Variants in ALKAL1 observed in about 807,000 individuals in gnomAD.
The protein encoded by ALKAL1 is ALK and LTK ligand 1.
In ALKAL1, 23 loss-of-function variants were observed where a neutral mutation model predicts 13.5. That is an observed-to-expected ratio of 1.70 (90% confidence interval 1.23 to 2.41). The LOEUF (loss-of-function observed/expected upper bound fraction) is 2.41. Ranked by LOEUF, ALKAL1 falls within the 30% of genes most tolerant of loss-of-function variation. The pLI, the probability that ALKAL1 is intolerant of heterozygous loss-of-function variation, is 0.00. For synonymous variants in ALKAL1, 85 were observed against 77.7 expected, an observed-to-expected ratio of 1.09 and a Z score of -0.49; for missense variants, 181 against 178.4, an observed-to-expected ratio of 1.01 and a Z score of -0.08.
chr8:52,534,042 T>C lies in ALKAL1; in HGVS notation c.*571A>G, dbSNP rs908962842. The C allele has an allele frequency of 1.3e-5, 2 of 152,266 alleles. No individual in the cohort carries two copies. Among genetic ancestry groups the C allele is most frequent in the Admixed American group, 6.5e-5 (1 of 15,282 alleles). 9.4% of individuals were successfully genotyped at this position (152,266 alleles called of 1,614,324 possible). On this transcript the variant is annotated 3_prime_UTR_variant, in exon 5 of 5. Transcript: ENST00000358543. ...CACACTTCAAAAGCATAACCTCTAT[T>C]ACAAACATCTTTAATTCAAAGGAAA...
chr8:52,549,432 A>G (rs1429716805), intron 1 of ALKAL1, among the ~76,000 whole-genome samples: 1 of 149,762 alleles, frequency 6.7e-6, no homozygotes, highest in Middle Eastern at 3.3e-3. Context: ...GCTATACTAT[A>G]TTAAATATAG....
chr8:52,546,424 G>A (rs545196993), intron 1 of ALKAL1, among the ~76,000 whole-genome samples: 5 of 152,266 alleles, frequency 3.3e-5, no homozygotes, highest in East Asian at 1.9e-4. Flanking sequence ...AATAATAGAC[G>A]CTAGGAATAA....
At chr8:52,553,946 G>A (rs996578138) in intron 1 of ALKAL1, among the ~76,000 whole-genome samples, 9 of 152,276 alleles carry the variant, frequency 5.9e-5, no homozygotes, top group East Asian at 1.9e-4. Context: ...AAACAGGGCC[G>A]GGTGCAGTGG....
intron 4 of ALKAL1, among the ~76,000 whole-genome samples, chr8:52,538,078 ACT>A (rs1377364386): frequency 1.4e-5 from 2 of 147,918 alleles, no homozygotes; most frequent in Admixed American, 1.4e-4. Flanking sequence ...ACAGAGCGAG[ACT>A]CTGCCTCCGA....
intron 1 of ALKAL1, among the ~76,000 whole-genome samples, chr8:52,556,638 C>A (rs1847485179): frequency 1.0e-5 from 1 of 99,388 alleles, no homozygotes; most frequent in Admixed American, 1.4e-4. Context: ...CAGAGCGAAA[C>A]TCTGTCTCAA....
chr8:52,561,055 T>G (rs994228435), intron 1 of ALKAL1, among the ~76,000 whole-genome samples: 1 of 152,128 alleles, frequency 6.6e-6, no homozygotes, highest in Non-Finnish European at 1.5e-5. Context: ...ACTTTAAATA[T>G]ATACAACAAA....
At chr8:52,562,311 C>T (rs1443904974) in intron 1 of ALKAL1, among the ~76,000 whole-genome samples, 2 of 152,126 alleles carry the variant, frequency 1.3e-5, no homozygotes, top group Non-Finnish European at 2.9e-5. Flanking sequence ...AAGGAAGACC[C>T]AGATTCGAGA....
chr8:52,557,530 T>C (rs756390813), intron 1 of ALKAL1, among the ~76,000 whole-genome samples: 1 of 152,374 alleles, frequency 6.6e-6, no homozygotes, highest in Non-Finnish European at 1.5e-5. Context: ...TTTGTTTTCC[T>C]GTTTTCTCAC....
At chr8:52,541,613 C>T (rs1847312929) in intron 2 of ALKAL1, among the ~76,000 whole-genome samples, 1 of 152,028 alleles carries the variant, frequency 6.6e-6, no homozygotes, top group African/African-American at 2.4e-5. Context: ...ACTAAAAATA[C>T]AAAAGATTAG....
intron 1 of ALKAL1, among the ~76,000 whole-genome samples, chr8:52,552,987 C>T (rs748051071): frequency 1.2e-4 from 19 of 152,116 alleles, no homozygotes; most frequent in African/African-American, 3.4e-4. Flanking sequence ...AAAATGTGTA[C>T]GGTATAAGTG....
intron 1 of ALKAL1, among the ~76,000 whole-genome samples, chr8:52,555,801 G>A (rs185500697): frequency 9.9e-4 from 151 of 152,212 alleles, no homozygotes; most frequent in Non-Finnish European, 1.8e-3. Flanking sequence ...CATTTTCCCC[G>A]TTCCTCCTTC....
intron 4 of ALKAL1, among the ~76,000 whole-genome samples, chr8:52,535,874 T>A (rs541943750): frequency 6.6e-6 from 1 of 152,300 alleles, no homozygotes; most frequent in East Asian, 1.9e-4. Context: ...GTGGGATATA[T>A]TGATATTGAG....
intron 2 of ALKAL1, among the ~76,000 whole-genome samples, chr8:52,540,920 TAAACA>T (rs1480923606): frequency 6.6e-6 from 1 of 152,128 alleles, no homozygotes; most frequent in Non-Finnish European, 1.5e-5. Context: ...TTTCCGTTAA[TAAACA>T]GGTAGGGCCC....
At chr8:52,539,942 AAC>A in intron 2 of ALKAL1, 31 bp from the exon 3 acceptor site, 1 of 1,590,388 alleles carries the variant, frequency 6.3e-7, no homozygotes, top group Non-Finnish European at 8.6e-7. Context: ...GCTTATTATA[AAC>A]ATAGGCATGT....
intron 1 of ALKAL1, among the ~76,000 whole-genome samples, chr8:52,562,379 A>G (rs1334423094): frequency 6.6e-6 from 1 of 152,026 alleles, no homozygotes; most frequent in African/African-American, 2.4e-5. Context: ...ATGGTCAACA[A>G]TGTTGCCCAT....
At chr8:52,549,303 A>G (rs987403793) in intron 1 of ALKAL1, among the ~76,000 whole-genome samples, 1 of 152,084 alleles carries the variant, frequency 6.6e-6, no homozygotes, top group Non-Finnish European at 1.5e-5. Flanking sequence ...AATAAGAACA[A>G]TTACCTTTAT....
At chr8:52,541,791 T>A (rs955873026) in intron 2 of ALKAL1, among the ~76,000 whole-genome samples, 1 of 152,140 alleles carries the variant, frequency 6.6e-6, no homozygotes, top group Non-Finnish European at 1.5e-5. Flanking sequence ...AATATATTTT[T>A]AAAAGATGTA....
At chr8:52,538,623 T>C (rs945020761) in intron 3 of ALKAL1, 116 bp from the exon 4 acceptor site, 3 of 664,986 alleles carry the variant, frequency 4.5e-6, no homozygotes, top group Middle Eastern at 4.1e-4. Flanking sequence ...AAATACCTAC[T>C]ATGTTAAGTG....
In ALKAL1 at chr8:52,565,085, T is replaced by C; in HGVS notation, c.172A>G (p.Ser58Gly). Residue 58 changes from serine to glycine, a missense_variant, in exon 1 of 5, where the codon AGC (serine) becomes GGC (glycine). Ser to Gly is a moderately conservative substitution (Grantham distance 56). Transcript: ENST00000358543. ...LPAAGAGRTP[S>G]GSRSAEIFPR... ...ATCGTACCTGCGCTCCGGGAGCCGC[T>C]GGGAGTCCGGCCGGCCCCGGCCGCG... is the stretch of plus-strand genomic sequence containing the variant. 2 of 1,410,674 alleles carry C rather than the reference T, an allele frequency of 1.4e-6. No individual in the cohort carries two copies. Among genetic ancestry groups the C allele is most frequent in the Non-Finnish European group, 9.3e-7 (1 of 1,079,380 alleles). 87.4% of individuals were successfully genotyped at this position (1,410,674 alleles called of 1,614,324 possible). A position where few individuals can be genotyped will look rare whatever the true frequency, so the allele number is the denominator to read the frequency against.
Sources: gnomAD v4.1 joint callset for allele counts (sites outside exome capture counted in the v4.1 genomes callset) on GRCh38, gnomAD v4.1.1 for gene constraint, MANE v1.5 for transcripts, NCBI Gene and HGNC (gene_info 2026-07-23, HGNC 2026-07-21) for gene names.